The following CDK5RAP2 variants were observed in gnomAD, a reference collection of about 807,000 sequenced individuals.
CDK5RAP2 encodes the protein CDK5 regulatory subunit associated protein 2, also known as CDK5 regulatory subunit-associated protein 2.
A neutral mutation model predicts 232.9 loss-of-function variants in CDK5RAP2; 147 were observed. The ratio of observed to expected loss-of-function variants is 0.63; its 90% CI spans 0.55 to 0.72. The LOEUF (loss-of-function observed/expected upper bound fraction) is 0.72, where lower values mean the gene tolerates loss of function less well. CDK5RAP2 is among the 30% of genes least tolerant of loss of function. CDK5RAP2 has a pLI of 0.00. For missense variants in CDK5RAP2, 2,195 were observed against 2,231.5 expected, an observed-to-expected ratio of 0.98 and a Z score of 0.33; for synonymous variants, 833 against 833.7, an observed-to-expected ratio of 1.00 and a Z score of 0.01.
intron 14 of CDK5RAP2, among the ~76,000 whole-genome samples, chr9:120,486,304 A>C (rs1471485906): frequency 6.6e-6 from 1 of 151,990 alleles, no homozygotes; most frequent in East Asian, 1.9e-4. Context: ...ATCACCCTTC[A>C]CAAACCTGCA....
chr9:120,573,476 G>A (rs1310982136), intron 1 of CDK5RAP2, among the ~76,000 whole-genome samples: 1 of 151,590 alleles, frequency 6.6e-6, no homozygotes, highest in African/African-American at 2.4e-5. Context: ...TTGAACCCAG[G>A]AGGCAGAGGT....
rs958954725 is a variant in CDK5RAP2, at chr9:120,497,238, T to TC, written c.1312-5762dup. Among the ~76,000 whole-genome samples, 2 of 130,712 alleles carry TC rather than the reference T, an allele frequency of 1.5e-5. 1 individual carries two copies. Among genetic ancestry groups the TC allele is most frequent in the African/African-American group, 7.1e-5 (2 of 28,054 alleles). 85.8% of individuals were successfully genotyped at this position (130,712 alleles called of 152,430 possible). A position where few individuals can be genotyped will look rare whatever the true frequency, so the allele number is the denominator to read the frequency against. On this transcript the variant is annotated intron_variant, in intron 12 of 37. Coordinates refer to ENST00000349780, the MANE Select transcript of CDK5RAP2 (RefSeq NM_018249.6). ...CATGCTCGTTAAGAGTCACCACCAC[T>TC]CCCTAATCTCAAGTAATCAGGGACA... is the stretch of plus-strand genomic sequence containing the variant.
At position 120,397,143 on chromosome 9, in the gene CDK5RAP2, T is replaced by C. The variant is rs541549572; in HGVS notation, c.5452-2505A>G. ...AGGAGGCCTCAGGCTTCCTCGTCAG[T>C]GTTCTGCCTGACTTCGGGGACAGGA... On this transcript the variant is annotated intron_variant, in intron 35 of 37. Coordinates refer to ENST00000349780, the MANE Select transcript of CDK5RAP2 (RefSeq NM_018249.6). 2.6e-5 allele frequency among the ~76,000 whole-genome samples: 4 copies of C among 152,318 alleles called. No homozygotes were observed. In the East Asian group the frequency reaches 7.7e-4, roughly 29 times the overall value.
At chr9:120,401,590 A>G (rs1333329959) in intron 34 of CDK5RAP2, among the ~76,000 whole-genome samples, 5 of 147,350 alleles carry the variant, frequency 3.4e-5, no homozygotes, top group Non-Finnish European at 7.5e-5. Context: ...CAGCCTGGAC[A>G]ACATGGCCAG....
At chr9:120,546,993 T>TG (rs2041868918) in intron 4 of CDK5RAP2, among the ~76,000 whole-genome samples, 2 of 151,382 alleles carry the variant, frequency 1.3e-5, no homozygotes, top group South Asian at 4.2e-4. Context: ...TTTCGTTTTT[T>TG]TTGTTTTTTT....
chr9:120,489,954 T>C (rs1309677011), intron 13 of CDK5RAP2, among the ~76,000 whole-genome samples: 2 of 152,066 alleles, frequency 1.3e-5, no homozygotes, highest in African/African-American at 2.4e-5. Flanking sequence ...ATTACAGGCA[T>C]GCACCACCAC....
intron 28 of CDK5RAP2, among the ~76,000 whole-genome samples, chr9:120,413,955 G>C (rs969284607): frequency 6.6e-6 from 1 of 152,222 alleles, no homozygotes; most frequent in Non-Finnish European, 1.5e-5. Flanking sequence ...ATGATGGCTA[G>C]AGAAGAATGA....
chr9:120,564,319 C>A (rs1346599426), intron 3 of CDK5RAP2, among the ~76,000 whole-genome samples: 1 of 151,732 alleles, frequency 6.6e-6, no homozygotes, highest in Non-Finnish European at 1.5e-5. Context: ...TGAAACCCCA[C>A]CTGTACTAAA....
intron 22 of CDK5RAP2, among the ~76,000 whole-genome samples, chr9:120,447,573 C>A (rs547743717): frequency 1.3e-5 from 2 of 152,218 alleles, no homozygotes; most frequent in Non-Finnish European, 2.9e-5. Context: ...TGATGCCACA[C>A]GCCAGAGGCA....
At chr9:120,501,517 A>C (rs1372501758) in intron 12 of CDK5RAP2, among the ~76,000 whole-genome samples, 1 of 152,226 alleles carries the variant, frequency 6.6e-6, no homozygotes, top group Non-Finnish European at 1.5e-5. Context: ...CCTGGCACAT[A>C]GCAGACACTG....
intron 10 of CDK5RAP2, among the ~76,000 whole-genome samples, chr9:120,527,277 C>T (rs573116435): frequency 1.6e-4 from 25 of 152,184 alleles, no homozygotes; most frequent in Non-Finnish European, 2.9e-4. Flanking sequence ...ACAGTCATGG[C>T]CTTGCTTCCC....
Position 120,390,926 on chromosome 9 carries a change from G to A in CDK5RAP2, c.5579-1139C>T, listed in dbSNP as rs576772643. On this transcript the variant is annotated intron_variant, in intron 36 of 37. Coordinates refer to ENST00000349780, the MANE Select transcript of CDK5RAP2 (RefSeq NM_018249.6). The stretch of plus-strand genomic sequence containing the variant: ...CTGTGACACTGGGGACGGGACAGAC[G>A]GTGTGGACTTTGTTTTTAGCCAAGC... 2.1e-3 allele frequency among the ~76,000 whole-genome samples: 323 copies of A among 152,252 alleles called. 4 individuals are homozygous for A. Among genetic ancestry groups the A allele is most frequent in the African/African-American group, 6.9e-3 (286 of 41,526 alleles).
intron 11 of CDK5RAP2, among the ~76,000 whole-genome samples, chr9:120,519,945 C>T (rs1339409533): frequency 6.6e-6 from 1 of 151,858 alleles, no homozygotes; most frequent in African/African-American, 2.4e-5. Context: ...GGTCAGCATG[C>T]TAGTTCAATG....
At position 120,550,804 on chromosome 9, in the gene CDK5RAP2, A is replaced by C; in HGVS notation, c.294T>G (p.His98Gln). Residue 98 changes from histidine (H) to glutamine (Q), a missense_variant, in exon 4 of 38, where the codon CAT becomes CAG. By Grantham distance (24) the His-to-Gln change is conservative. Coordinates refer to ENST00000349780, the MANE Select transcript of CDK5RAP2 (RefSeq NM_018249.6). ...MQQEFHGPTE[H>Q]IYKTNIELKV... ...ATGGGCCACTCACAGTTTTGTAGAT[A>C]TGTTCAGTGGGGCCATGAAATTCCT... The C allele has an allele frequency of 3.1e-6, 5 of 1,595,626 alleles. No individual in the cohort carries two copies. Among genetic ancestry groups the C allele is most frequent in the Non-Finnish European group, 3.4e-6 (4 of 1,163,138 alleles).
intron 31 of CDK5RAP2, chr9:120,408,135 C>G: frequency 3.3e-6 from 2 of 613,202 alleles, no homozygotes; most frequent in Non-Finnish European, 5.9e-6. Context: ...CGGACCTCGG[C>G]TGGCCTGGGT....
At chr9:120,424,647 G>A (rs1048602923) in intron 25 of CDK5RAP2, among the ~76,000 whole-genome samples, 1 of 151,488 alleles carries the variant, frequency 6.6e-6, no homozygotes, top group Non-Finnish European at 1.5e-5. Flanking sequence ...ACTTATTCAG[G>A]TACTAGCCAG....
chr9:120,518,309 G>C (rs1294518092), intron 12 of CDK5RAP2, 118 bp downstream of exon 12: 1 of 801,020 alleles, frequency 1.2e-6, no homozygotes, highest in African/African-American at 1.7e-5. Context: ...TAGGTACTGA[G>C]ATAATAAGTG....
intron 3 of CDK5RAP2, among the ~76,000 whole-genome samples, chr9:120,554,822 C>T (rs1254212928): frequency 6.6e-6 from 1 of 151,994 alleles, no homozygotes; most frequent in East Asian, 1.9e-4. Context: ...TTAGTAGAGA[C>T]AGGGTTCACC....
chr9:120,554,279 A>T (rs535129383), intron 3 of CDK5RAP2, among the ~76,000 whole-genome samples: 2 of 152,378 alleles, frequency 1.3e-5, no homozygotes, highest in Admixed American at 6.5e-5. Flanking sequence ...AAATTTAAAT[A>T]ATAGATAAAT....
Sources: gnomAD v4.1 joint callset for allele counts (sites outside exome capture counted in the v4.1 genomes callset) on GRCh38, gnomAD v4.1.1 for gene constraint, MANE v1.5 for transcripts, NCBI Gene and HGNC (gene_info 2026-07-23, HGNC 2026-07-21) for gene names.